MCC: variants seen among roughly 807,000 people sequenced by gnomAD.
The protein encoded by MCC is MCC regulator of Wnt signaling pathway.
In MCC, 90 loss-of-function variants were observed where a neutral mutation model predicts 116.2. The observed-to-expected ratio is 0.77, with a 90% CI of 0.65 to 0.92. The LOEUF is 0.92. Among genes scored for constraint, MCC ranks in the 40% least tolerant of loss-of-function variants. MCC has a pLI of 0.00. For missense variants in MCC, 1,516 were observed against 1,312.2 expected, an observed-to-expected ratio of 1.16 and a Z score of -2.40; for synonymous variants, 578 against 510.5, an observed-to-expected ratio of 1.13 and a Z score of -1.78.
intron 3 of MCC, among the ~76,000 whole-genome samples, chr5:113,197,378 T>C (rs1003809873): frequency 2.0e-5 from 3 of 152,220 alleles, no homozygotes; most frequent in Admixed American, 6.5e-5. Context: ...TGGCTACCTA[T>C]GGTTATGGGG....
At chr5:113,075,075 C>A (rs1226001458) in intron 11 of MCC, among the ~76,000 whole-genome samples, 1 of 152,148 alleles carries the variant, frequency 6.6e-6, no homozygotes, top group Non-Finnish European at 1.5e-5. Context: ...GCGTGGCACT[C>A]GTGGGCCAGC....
chr5:113,150,609 C>T (rs1302143817), intron 4 of MCC, among the ~76,000 whole-genome samples: 1 of 151,576 alleles, frequency 6.6e-6, no homozygotes. Context: ...CTAAAAACAA[C>T]ACATAATACC....
intron 3 of MCC, among the ~76,000 whole-genome samples, chr5:113,166,944 G>C (rs995754290): frequency 6.6e-6 from 1 of 152,148 alleles, no homozygotes; most frequent in African/African-American, 2.4e-5. Context: ...TGCTCTAAAT[G>C]TCTTTCCTGA....
At chr5:113,438,043 A>C (rs973532529) in intron 1 of MCC, among the ~76,000 whole-genome samples, 3 of 152,178 alleles carry the variant, frequency 2.0e-5, no homozygotes, top group African/African-American at 7.2e-5. Context: ...TGAAAGAGCA[A>C]GCAGAACTCT....
intron 1 of MCC, among the ~76,000 whole-genome samples, chr5:113,457,478 C>T (rs1225111248): frequency 1.3e-5 from 2 of 152,234 alleles, no homozygotes; most frequent in Non-Finnish European, 2.9e-5. Context: ...AGCACAGCCC[C>T]CTGCTCCACG....
At chr5:113,269,581 C>T (rs925132894) in intron 3 of MCC, among the ~76,000 whole-genome samples, 1 of 152,164 alleles carries the variant, frequency 6.6e-6, no homozygotes, top group African/African-American at 2.4e-5. Context: ...CTTTATCTTC[C>T]CCAACCTACA....
At chr5:113,182,277 G>T (rs1220574711) in intron 3 of MCC, among the ~76,000 whole-genome samples, 3 of 152,148 alleles carry the variant, frequency 2.0e-5, no homozygotes, top group Non-Finnish European at 4.4e-5. Flanking sequence ...CTGCAGCTTG[G>T]TATCTGTTCT....
intron 5 of MCC, among the ~76,000 whole-genome samples, chr5:113,139,558 C>T (rs1432578816): frequency 6.6e-6 from 1 of 152,052 alleles, no homozygotes; most frequent in African/African-American, 2.4e-5. Context: ...AACAAAATAC[C>T]ATCTCACACC....
At chr5:113,037,524 C>G (rs907185600) in intron 17 of MCC, among the ~76,000 whole-genome samples, 1 of 152,116 alleles carries the variant, frequency 6.6e-6, no homozygotes, top group Non-Finnish European at 1.5e-5. Context: ...GAAATCCTGT[C>G]TCTACTAAAA....
rs542288409 is a variant in MCC, at chr5:113,047,513, G to C, written c.2655+1580C>G. ...GCTTCAGAGTTCTTAACTATGTAGG[G>C]AGTGACAATTCACTGTCACATGACA... On this transcript the variant is annotated intron_variant, in intron 16 of 18. Coordinates refer to ENST00000408903, the MANE Select transcript of MCC (RefSeq NM_001085377.2). Among the ~76,000 whole-genome samples, 13 of 152,320 alleles carry C rather than the reference G, an allele frequency of 8.5e-5. No homozygotes were observed. The South Asian group carries it at 2.3e-3, about 27-fold the overall frequency.
At chr5:113,325,513 T>C (rs1438927887) in intron 3 of MCC, among the ~76,000 whole-genome samples, 2 of 151,660 alleles carry the variant, frequency 1.3e-5, no homozygotes, top group East Asian at 1.9e-4. Context: ...TACTTTCATA[T>C]GGCTTCCTAG....
intron 1 of MCC, among the ~76,000 whole-genome samples, chr5:113,465,993 G>C (rs548992146): frequency 4.1e-4 from 62 of 151,726 alleles, no homozygotes; most frequent in African/African-American, 1.3e-3. Context: ...CTGGAGTGCG[G>C]TGGCGCGATC....
At chr5:113,253,661 C>T (rs1283060374) in intron 3 of MCC, among the ~76,000 whole-genome samples, 1 of 152,062 alleles carries the variant, frequency 6.6e-6, no homozygotes, top group African/African-American at 2.4e-5. Flanking sequence ...AGGATGACTA[C>T]ATATGAAGAA....
chr5:113,220,755 T>G (rs1333001720), intron 3 of MCC, among the ~76,000 whole-genome samples: 1 of 152,236 alleles, frequency 6.6e-6, no homozygotes, highest in East Asian at 1.9e-4. Context: ...CAGACAGTTA[T>G]GTTATCTTTG....
intron 3 of MCC, among the ~76,000 whole-genome samples, chr5:113,217,379 G>T (rs149604715): frequency 1.8e-3 from 279 of 152,302 alleles, no homozygotes; most frequent in African/African-American, 6.5e-3. Flanking sequence ...ATTTTGAAGA[G>T]TAGACATTTT....
At position 113,141,522 on chromosome 5, in the gene MCC, G is replaced by A. The variant is rs1759181048; in HGVS notation, c.884+1696C>T. Among the ~76,000 whole-genome samples the A allele has an allele frequency of 2.6e-5, 4 of 152,328 alleles. No individual in the cohort carries two copies. In the South Asian group the frequency reaches 8.3e-4, roughly 32 times the overall value. ...TCAGAGGCCAAACCAATTTGCTGGA[G>A]TGCTGAGGGCTGGGGAGATGCCTAA... is the stretch of plus-strand genomic sequence containing the variant. On this transcript the variant is annotated intron_variant, in intron 5 of 18. Coordinates refer to ENST00000408903, the MANE Select transcript of MCC (RefSeq NM_001085377.2).
At chr5:113,122,431 A>C (rs572523467) in intron 6 of MCC, among the ~76,000 whole-genome samples, 1 of 152,326 alleles carries the variant, frequency 6.6e-6, no homozygotes, top group South Asian at 2.1e-4. Context: ...AGCCTTTTAA[A>C]CTGGTTCCCT....
In MCC at chr5:113,073,352, G is replaced by A. The variant is rs147213440; in HGVS notation, c.1785-2118C>T. 3.3e-4 allele frequency among the ~76,000 whole-genome samples: 50 copies of A among 152,338 alleles called. 2 individuals carry two copies. Among genetic ancestry groups the A allele is most frequent in the African/African-American group, 1.1e-3 (47 of 41,578 alleles). ...TGCCCTGGCATACCACAAAGATTGTGCTGCTTCCACTCTTATCCCATCCTT... is the reference window on the plus strand; with the variant it reads ...TGCCCTGGCATACCACAAAGATTGTACTGCTTCCACTCTTATCCCATCCTT... On this transcript the variant is annotated intron_variant, in intron 11 of 18. Coordinates refer to ENST00000408903, the MANE Select transcript of MCC (RefSeq NM_001085377.2).
chr5:113,134,533 G>A (rs1459262244), intron 5 of MCC, among the ~76,000 whole-genome samples: 3 of 141,328 alleles, frequency 2.1e-5, no homozygotes, highest in Admixed American at 7.0e-5. Context: ...TTTTTGCTCA[G>A]GATTGGCTTT....
Sources: gnomAD v4.1 joint callset for allele counts (sites outside exome capture counted in the v4.1 genomes callset) on GRCh38, gnomAD v4.1.1 for gene constraint, MANE v1.5 for transcripts, NCBI Gene and HGNC (gene_info 2026-07-23, HGNC 2026-07-21) for gene names.